The following DSCAML1 variants were observed in gnomAD, a reference collection of about 807,000 sequenced individuals.
The protein encoded by DSCAML1 is DS cell adhesion molecule like 1, also known as cell adhesion molecule DSCAML1.
A neutral mutation model predicts 200.5 loss-of-function variants in DSCAML1; 38 were observed. The observed-to-expected ratio is 0.19, with a 90% CI of 0.15 to 0.25. The LOEUF is 0.25. Among genes scored for constraint, DSCAML1 ranks in the 10% least tolerant of loss-of-function variants. DSCAML1 has a pLI of 1.00. For missense variants in DSCAML1, 2,223 were observed against 2,858.8 expected (o/e 0.78, Z 5.07); for synonymous variants, 1,215 against 1,165.0 (o/e 1.04, Z -0.87).
intron 32 of DSCAML1, among the ~76,000 whole-genome samples, 191 bp from the exon 33 acceptor site, chr11:117,428,994 T>G (rs1235707007): frequency 6.6e-6 from 1 of 152,116 alleles, no homozygotes; most frequent in African/African-American, 2.4e-5. Flanking sequence ...TCCTTATCTG[T>G]GAAGTGGGGA....
chr11:117,691,678 G>T (rs191037825), intron 3 of DSCAML1, among the ~76,000 whole-genome samples: 1 of 152,156 alleles, frequency 6.6e-6, no homozygotes, highest in Non-Finnish European at 1.5e-5. Flanking sequence ...TATCTTGGAC[G>T]ACAAGTGTGT....
At chr11:117,704,102 C>CAAAGAAGGAAG (rs2137752399) in intron 3 of DSCAML1, among the ~76,000 whole-genome samples, 1 of 107,474 alleles carries the variant, frequency 9.3e-6, no homozygotes, top group South Asian at 3.3e-4. Context: ...AAGTATGAGA[C>CAAAGAAGGAAG]AAAGAAGGAA....
intron 3 of DSCAML1, among the ~76,000 whole-genome samples, chr11:117,619,599 G>C (rs558087318): frequency 1.3e-4 from 20 of 152,208 alleles, no homozygotes; most frequent in East Asian, 3.9e-4. Context: ...GAACTTAAAA[G>C]TGAATTATGG....
chr11:117,521,806 G>A (rs911406974), intron 5 of DSCAML1, among the ~76,000 whole-genome samples: 3 of 152,116 alleles, frequency 2.0e-5, no homozygotes, highest in Non-Finnish European at 1.5e-5. Flanking sequence ...CCATACTTGC[G>A]GAGATAACAC....
At chr11:117,487,156 C>A (rs949397952) in intron 11 of DSCAML1, among the ~76,000 whole-genome samples, 2 of 151,868 alleles carry the variant, frequency 1.3e-5, no homozygotes, top group Non-Finnish European at 2.9e-5. Context: ...AACTCCTGAT[C>A]TCAGGTGATC....
At chr11:117,707,368 G>A (rs917335853) in intron 3 of DSCAML1, among the ~76,000 whole-genome samples, 4 of 152,122 alleles carry the variant, frequency 2.6e-5, no homozygotes, top group African/African-American at 7.2e-5. Context: ...GAATGGTCGC[G>A]AAGGTCCCTT....
chr11:117,444,138 G>T, intron 20 of DSCAML1, 99 bp from the exon 21 acceptor site: 1 of 1,360,212 alleles, frequency 7.4e-7, no homozygotes, highest in Non-Finnish European at 9.9e-7. Flanking sequence ...AGGATGGCGG[G>T]GTCGGATGCG....
chr11:117,504,291 T>C lies in DSCAML1; in HGVS notation c.2183-270A>G, dbSNP rs138505803. On this transcript the variant is annotated intron_variant, in intron 10 of 32. Coordinates refer to ENST00000651296, the MANE Select transcript of DSCAML1 (RefSeq NM_020693.4). This position sits in a 1 kb window ranked among gnomAD's most constrained non-coding sequence, Gnocchi z 5.0. Reference sequence around the variant, plus strand: ...CCCACTTTGACACTGGCATGGAGCTTCTTTGGGGTAAATTCCTTGGAGAGG... The same window carrying C: ...CCCACTTTGACACTGGCATGGAGCTCCTTTGGGGTAAATTCCTTGGAGAGG... Among the ~76,000 whole-genome samples, 1 of 152,280 alleles carries C rather than the reference T, an allele frequency of 6.6e-6. No individual in the cohort carries two copies. The highest frequency in any genetic ancestry group is 2.4e-5 in the African/African-American group (1 of 41,552).
chr11:117,538,175 T>C (rs4609639), intron 3 of DSCAML1, among the ~76,000 whole-genome samples: 7,828 of 152,278 alleles, frequency 0.051, 365 homozygotes, highest in African/African-American at 0.11. Context: ...GTGTCTTATG[T>C]GCAGGGCAGA....
chr11:117,672,283 G>C (rs1164963377), intron 3 of DSCAML1, among the ~76,000 whole-genome samples: 3 of 151,982 alleles, frequency 2.0e-5, no homozygotes, highest in Non-Finnish European at 4.4e-5. Context: ...CTTGAACAGA[G>C]GGGCAGGCAG....
In DSCAML1 at chr11:117,522,556, G is replaced by A. The variant is rs144322528; in HGVS notation, c.938-1151C>T. Among the ~76,000 whole-genome samples the A allele has an allele frequency of 1.8e-3, 278 of 152,356 alleles. 3 individuals are homozygous for A. The highest frequency in any genetic ancestry group is 6.6e-3 in the African/African-American group (273 of 41,576). On this transcript the variant is annotated intron_variant, in intron 5 of 32. Coordinates refer to ENST00000651296, the MANE Select transcript of DSCAML1 (RefSeq NM_020693.4). ...CCCAAGTGAGGAAGCCTGCAGGAGA[G>A]AGGAAGATTGCAAGCTCATGTGGGC...
chr11:117,711,602 A>G (rs1269032484), intron 3 of DSCAML1, among the ~76,000 whole-genome samples: 1 of 152,220 alleles, frequency 6.6e-6, no homozygotes, highest in African/African-American at 2.4e-5. Context: ...AGATAACCCC[A>G]GGGACAACAC....
intron 3 of DSCAML1, among the ~76,000 whole-genome samples, chr11:117,720,428 A>T (rs2054023518): frequency 6.6e-6 from 1 of 151,794 alleles, no homozygotes; most frequent in African/African-American, 2.4e-5. Flanking sequence ...GAGGGGAGGG[A>T]GCCGAGGGCT....
chr11:117,626,523 C>T (rs2052050179), intron 3 of DSCAML1, among the ~76,000 whole-genome samples: 1 of 152,170 alleles, frequency 6.6e-6, no homozygotes, highest in African/African-American at 2.4e-5. Context: ...AGGCTGTTCG[C>T]TTCACTGGGG....
intron 3 of DSCAML1, among the ~76,000 whole-genome samples, chr11:117,765,568 G>A (rs2054882455): frequency 1.3e-5 from 2 of 152,326 alleles, no homozygotes; most frequent in African/African-American, 4.8e-5. Context: ...AGGCCGCACA[G>A]CAAAGACTAC....
Position 117,780,292 on chromosome 11 carries a change from G to GA in DSCAML1, c.364+200dup, listed in dbSNP as rs1163046110. On this transcript the variant is annotated intron_variant, in intron 2 of 32. Transcript: ENST00000651296. The surrounding 1 kb of genome is among the most constrained non-coding windows in gnomAD (Gnocchi z 4.8). ...AGAAAGAAAGAAAGAAAGAAAGAAA[G>GA]AAAGAAAGAAAGAGAGAAAGGAGAA... Among the ~76,000 whole-genome samples, 61 of 101,610 alleles carry GA rather than the reference G, an allele frequency of 6.0e-4. 2 individuals carry two copies. Among genetic ancestry groups the GA allele is most frequent in the African/African-American group, 1.7e-3 (53 of 32,110 alleles). The allele number at this position is 101,610 out of a possible 152,430, so 66.7% of individuals were successfully genotyped here.
chr11:117,657,661 T>C (rs671553), intron 3 of DSCAML1, among the ~76,000 whole-genome samples: 104,288 of 152,060 alleles, frequency 0.69, 36,212 homozygotes, highest in East Asian at 0.79. Context: ...TTATTTAAAA[T>C]GATCAACAGC....
At chr11:117,797,299 C>A (rs1480169749), upstream of DSCAML1, 32 of 1,321,022 alleles carry the variant, frequency 2.4e-5, no homozygotes, top group Admixed American at 4.2e-5. Flanking sequence ...CCCGCCCCCC[C>A]GCGGCACCCC....
At chr11:117,785,455 G>A (rs2055333837) in intron 1 of DSCAML1, among the ~76,000 whole-genome samples, 1 of 152,160 alleles carries the variant, frequency 6.6e-6, no homozygotes. Context: ...GGGGGATGCT[G>A]TGGAAACCTT....
Sources: gnomAD v4.1 joint callset for allele counts (sites outside exome capture counted in the v4.1 genomes callset) on GRCh38, gnomAD v4.1.1 for gene constraint, Gnocchi (gnomAD v3.1) non-coding constraint, MANE v1.5 for transcripts, NCBI Gene and HGNC (gene_info 2026-07-23, HGNC 2026-07-21) for gene names.